RHBDL2: variants seen among roughly 807,000 people sequenced by gnomAD.
RHBDL2 encodes rhomboid like 2, also known as rhomboid-related protein 2.
A neutral mutation model predicts 31.7 loss-of-function variants in RHBDL2; 26 were observed. That is an observed-to-expected ratio of 0.82 (90% CI 0.60 to 1.14). The LOEUF is 1.14. Ranked by LOEUF, RHBDL2 falls within the 50% of genes most tolerant of loss-of-function variation. RHBDL2 has a pLI of 0.00. For synonymous variants in RHBDL2, 123 were observed against 127.2 expected (o/e 0.97, Z 0.22); for missense variants, 336 against 364.4 (o/e 0.92, Z 0.63).
chr1:38,904,310 A>C (rs760727411), intron 4 of RHBDL2, among the ~76,000 whole-genome samples: 8 of 151,986 alleles, frequency 5.3e-5, no homozygotes, highest in Non-Finnish European at 1.2e-4. Flanking sequence ...CTCTACTAAA[A>C]ATACAAAAAA....
At chr1:38,904,482 GAA>G (rs58919988) in intron 4 of RHBDL2, among the ~76,000 whole-genome samples, 4 of 146,862 alleles carry the variant, frequency 2.7e-5, no homozygotes, top group African/African-American at 1.0e-4. Flanking sequence ...AAAAAAAAAA[GAA>G]AAAAAAAATT....
chr1:38,900,344 G>A (rs1642973926), intron 4 of RHBDL2, among the ~76,000 whole-genome samples: 3 of 152,076 alleles, frequency 2.0e-5, no homozygotes, highest in African/African-American at 2.4e-5. Context: ...CCCCTGGGCC[G>A]AGTGCAGTGG....
intron 5 of RHBDL2, among the ~76,000 whole-genome samples, chr1:38,895,234 C>T (rs74508571): frequency 0.02 from 3,059 of 152,070 alleles, 97 homozygotes; most frequent in African/African-American, 0.07. Flanking sequence ...AGATTAACAT[C>T]GGTAGGATTT....
intron 7 of RHBDL2, among the ~76,000 whole-genome samples, chr1:38,887,756 G>A (rs1379497946): frequency 6.6e-6 from 1 of 152,146 alleles, no homozygotes; most frequent in African/African-American, 2.4e-5. Context: ...TACCAATATG[G>A]CAGGTGCAGT....
chr1:38,931,654 T>C (rs909954085), intron 1 of RHBDL2, among the ~76,000 whole-genome samples: 3 of 152,032 alleles, frequency 2.0e-5, no homozygotes, highest in Non-Finnish European at 4.4e-5. Context: ...AGTGGTAGCA[T>C]TCCCTGAATG....
rs984483778 is a variant in RHBDL2 at position 38,918,976 on chromosome 1, G to A, written c.237C>T (p.Ser79=). The change falls in exon 2 of 8, where the codon AGC becomes AGT. Residue 79 remains serine, a synonymous_variant. Transcript: ENST00000372990. ...FPPPVFIISI[S]LAELAVFIYY... ...CCCGCTCCCCATTCACCTCGGCCAG[G>A]CTGATGGAGATGATGAACACGGGAG... The A allele has an allele frequency of 1.9e-6, 3 of 1,613,120 alleles. No homozygotes were observed. Among genetic ancestry groups the A allele is most frequent in the Admixed American group, 1.7e-5 (1 of 59,976 alleles).
rs1311371238 is a variant in RHBDL2, at chr1:38,918,997, G to C, written c.216C>G (p.Pro72=). 3 of 1,613,980 alleles carry C rather than the reference G, an allele frequency of 1.9e-6. No homozygotes were observed. The highest frequency in any genetic ancestry group is 2.5e-6 in the Non-Finnish European group (3 of 1,179,896). ...CCAGGCTGATGGAGATGATGAACAC[G>C]GGAGGCGGGAAGCAGTTAGCTCTCT... ...YLERANCFPP[P]VFIISISLAE... The change falls in exon 2 of 8, where the codon CCC becomes CCG. Residue 72 remains proline, a synonymous_variant. Transcript: ENST00000372990.
At chr1:38,918,852 C>T (rs1394915073) in intron 2 of RHBDL2, 115 bp downstream of exon 2, 6 of 1,305,078 alleles carry the variant, frequency 4.6e-6, no homozygotes, top group Non-Finnish European at 6.4e-6. Flanking sequence ...GTCCCCATCC[C>T]CACGAAGCTC....
Position 38,934,230 on chromosome 1 carries a change from C to G in RHBDL2, c.-126+7452G>C, listed in dbSNP as rs1414189411. ...AGGCGTTATGGCGGGTGCCTGTAAT[C>G]CCAGCTACTCAGGGGGCTGAGGCAA... On this transcript the variant is annotated intron_variant, in intron 1 of 7. Transcript: ENST00000372990. Among the ~76,000 whole-genome samples, 4 of 151,706 alleles carry G rather than the reference C, an allele frequency of 2.6e-5. No homozygotes were observed. The East Asian group carries it at 7.8e-4, about 29-fold the overall frequency.
chr1:38,904,422 A>C (rs1643034457), intron 4 of RHBDL2, among the ~76,000 whole-genome samples: 1 of 152,040 alleles, frequency 6.6e-6, no homozygotes, highest in African/African-American at 2.4e-5. Flanking sequence ...CAGTGAGCCG[A>C]GATTGCGCCA....
chr1:38,906,639 A>G (rs1211776519), intron 4 of RHBDL2, among the ~76,000 whole-genome samples: 1 of 151,570 alleles, frequency 6.6e-6, no homozygotes, highest in African/African-American at 2.4e-5. Context: ...GCACCACTGC[A>G]CTCCAGCCTG....
Position 38,919,331 on chromosome 1 carries a change from G to T in RHBDL2, c.-119C>A, listed in dbSNP as rs758568110. ...TCTGGCGCAACGACTGCTTTCCAAGGCCTTTCCTGTATGTGAAGAGAAGAC... is the reference window on the plus strand; with the variant it reads ...TCTGGCGCAACGACTGCTTTCCAAGTCCTTTCCTGTATGTGAAGAGAAGAC... On this transcript the variant is annotated 5_prime_UTR_variant, in exon 2 of 8. Transcript: ENST00000372990. The T allele has an allele frequency of 1.9e-6, 3 of 1,592,690 alleles. No homozygotes were observed. Among genetic ancestry groups the T allele is most frequent in the Non-Finnish European group, 2.6e-6 (3 of 1,172,690 alleles).
intron 5 of RHBDL2, among the ~76,000 whole-genome samples, chr1:38,894,706 T>C (rs1490518589): frequency 3.6e-5 from 4 of 111,792 alleles, no homozygotes; most frequent in Admixed American, 1.2e-4. Flanking sequence ...TCTTTTTTTT[T>C]CTTTTTTTTT....
intron 1 of RHBDL2, among the ~76,000 whole-genome samples, chr1:38,930,642 AAGAC>A (rs1230440334): frequency 6.6e-6 from 1 of 152,196 alleles, no homozygotes; most frequent in Non-Finnish European, 1.5e-5. Context: ...AGAATTCCCA[AAGAC>A]AGACACACTA....
chr1:38,928,419 G>A (rs933823929), intron 1 of RHBDL2, among the ~76,000 whole-genome samples: 7 of 145,178 alleles, frequency 4.8e-5, no homozygotes, highest in Admixed American at 1.4e-4. Flanking sequence ...TGGGATTACA[G>A]GGGTGAGCCA....
intron 1 of RHBDL2, among the ~76,000 whole-genome samples, chr1:38,933,304 T>C (rs1263237048): frequency 1.3e-5 from 2 of 152,108 alleles, no homozygotes; most frequent in Non-Finnish European, 2.9e-5. Flanking sequence ...TTGGTCTTGA[T>C]CCTTCATAAC....
At chr1:38,894,688 C>G (rs1315033031) in intron 5 of RHBDL2, among the ~76,000 whole-genome samples, 1 of 131,266 alleles carries the variant, frequency 7.6e-6, no homozygotes, top group East Asian at 2.2e-4. Flanking sequence ...CATTTCTTTT[C>G]TTTTTTTTCT....
At chr1:38,901,072 T>TAAATAAATAAATA (rs1372239763) in intron 4 of RHBDL2, among the ~76,000 whole-genome samples, 1 of 151,064 alleles carries the variant, frequency 6.6e-6, no homozygotes, top group Non-Finnish European at 1.5e-5. Flanking sequence ...AATAAATAAA[T>TAAATAAATAAATA]AAATAAATAA....
At chr1:38,894,559 G>A (rs1295748352) in intron 5 of RHBDL2, among the ~76,000 whole-genome samples, 1 of 151,766 alleles carries the variant, frequency 6.6e-6, no homozygotes, top group African/African-American at 2.4e-5. Context: ...TTGACCTTGT[G>A]ATCCGCCCAC....
Sources: gnomAD v4.1 joint callset for allele counts (sites outside exome capture counted in the v4.1 genomes callset) on GRCh38, gnomAD v4.1.1 for gene constraint, MANE v1.5 for transcripts, NCBI Gene and HGNC (gene_info 2026-07-23, HGNC 2026-07-21) for gene names.